Variants in PTPN13 observed in about 807,000 individuals in gnomAD.
PTPN13 encodes protein tyrosine phosphatase non-receptor type 13, also known as tyrosine-protein phosphatase non-receptor type 13.
In PTPN13, 191 loss-of-function variants were observed where a neutral mutation model predicts 284.0. The ratio of observed to expected loss-of-function variants is 0.67; its 90% CI spans 0.60 to 0.76. The LOEUF is 0.76. Among genes scored for constraint, PTPN13 ranks in the 30% least tolerant of loss-of-function variants. The pLI is 0.00. For missense variants in PTPN13, 2,797 were observed against 2,939.9 expected (o/e 0.95, Z 1.12); for synonymous variants, 986 against 1,022.3 (o/e 0.96, Z 0.68).
At chr4:86,603,636 C>G (rs1410894991) in intron 1 of PTPN13, among the ~76,000 whole-genome samples, 4 of 152,108 alleles carry the variant, frequency 2.6e-5, no homozygotes, top group African/African-American at 4.8e-5. Context: ...CATAACACAT[C>G]TCTTAGCATC....
At chr4:86,608,569 T>C (rs79290198) in intron 1 of PTPN13, among the ~76,000 whole-genome samples, 7,057 of 152,136 alleles carry the variant, frequency 0.046, 223 homozygotes, top group African/African-American at 0.06. Context: ...TCAAAATAAC[T>C]TTATGGTAAA....
chr4:86,613,401 C>T (rs993402269), intron 1 of PTPN13, among the ~76,000 whole-genome samples: 3 of 151,950 alleles, frequency 2.0e-5, no homozygotes, highest in African/African-American at 4.8e-5. Context: ...TTTGGGAGGC[C>T]GAGGCGGGCA....
At chr4:86,632,472 C>T (rs1722573559) in intron 1 of PTPN13, among the ~76,000 whole-genome samples, 1 of 152,086 alleles carries the variant, frequency 6.6e-6, no homozygotes, top group South Asian at 2.1e-4. Context: ...CTTCGGTGTG[C>T]TTTTGTGGGT....
At position 86,737,410 on chromosome 4, in the gene PTPN13, TC is replaced by T. The variant is rs1417290852; in HGVS notation, c.2304+1665del. On this transcript the variant is annotated intron_variant, in intron 15 of 47. Transcript: ENST00000411767. ...TAGTTTTATTGGAACTAGTCCATAC[TC>T]ATTTCTTTATATATCATCTATGTCT... 2.0e-5 allele frequency among the ~76,000 whole-genome samples: 3 copies of T among 152,106 alleles called. No individual in the cohort carries two copies. In the South Asian group the frequency reaches 6.2e-4, roughly 31 times the overall value.
chr4:86,628,864 G>C (rs955613812), intron 1 of PTPN13, among the ~76,000 whole-genome samples: 17 of 150,038 alleles, frequency 1.1e-4, no homozygotes, highest in African/African-American at 2.2e-4. Flanking sequence ...AGTATTCCAT[G>C]GTGTATATGT....
chr4:86,656,621 G>A (rs1725846567), intron 2 of PTPN13, among the ~76,000 whole-genome samples: 1 of 152,196 alleles, frequency 6.6e-6, no homozygotes, highest in East Asian at 1.9e-4. Flanking sequence ...TGTGTGAGGT[G>A]TCAGTCTGCC....
At chr4:86,739,154 G>C (rs1022363657) in intron 15 of PTPN13, among the ~76,000 whole-genome samples, 12 of 152,082 alleles carry the variant, frequency 7.9e-5, no homozygotes, top group Admixed American at 4.6e-4. Context: ...GTCCATTTTT[G>C]GTTAAATTTC....
rs533000016 is a variant in PTPN13, at chr4:86,692,817, C to T, written c.547-770C>T. Among the ~76,000 whole-genome samples, 82 of 152,242 alleles carry T rather than the reference C, an allele frequency of 5.4e-4. No individual in the cohort carries two copies. In the South Asian group the frequency reaches 5.6e-3, roughly 10 times the overall value. ...TTTCTCGGCCAGGCATAGTGGATCA[C>T]GCCTGTAATCCCAGCACTTTGGGAG... On this transcript the variant is annotated intron_variant, in intron 5 of 47. Transcript: ENST00000411767.
intron 47 of PTPN13, among the ~76,000 whole-genome samples, chr4:86,813,319 CA>C (rs543796851): frequency 2.0e-5 from 3 of 152,052 alleles, no homozygotes; most frequent in African/African-American, 4.8e-5. Flanking sequence ...AATTCCTTGC[CA>C]AAAAAAGTCA....
intron 7 of PTPN13, among the ~76,000 whole-genome samples, chr4:86,707,122 G>A (rs959747594): frequency 2.6e-5 from 4 of 151,936 alleles, no homozygotes; most frequent in South Asian, 4.1e-4. Flanking sequence ...CTTGGAACCA[G>A]TACTGTGAGT....
chr4:86,751,041 C>G lies in PTPN13; in HGVS notation c.3083C>G (p.Ala1028Gly). Residue 1028 changes from alanine (A) to glycine (G), a missense_variant, in exon 19 of 48, where the codon GCG becomes GGG. Coordinates refer to ENST00000411767, the MANE Select transcript of PTPN13 (RefSeq NM_080683.3). ...VTKLNNSKSV[A>G]SLNRSPERRK... ...TCCCTCTTCAGTTCAAAGTCTGTTG[C>G]GAGTTTAAATAGAAGTCCTGAAAGG... 1.2e-6 allele frequency: 2 copies of G among 1,606,564 alleles called. No homozygotes were observed. Among genetic ancestry groups the G allele is most frequent in the Non-Finnish European group, 1.7e-6 (2 of 1,173,766 alleles).
intron 19 of PTPN13, among the ~76,000 whole-genome samples, chr4:86,751,765 TA>T (rs2149210485): frequency 6.6e-6 from 1 of 152,318 alleles, no homozygotes; most frequent in South Asian, 2.1e-4. Context: ...AGCATTTACT[TA>T]GAATGCTTTC....
At chr4:86,748,664 A>AT (rs869198172) in intron 17 of PTPN13, among the ~76,000 whole-genome samples, 2,170 of 149,184 alleles carry the variant, frequency 0.015, 64 homozygotes, top group African/African-American at 0.05. Context: ...GATTATGGAA[A>AT]TTTTTTTTTT....
Position 86,706,702 on chromosome 4 carries a change from T to G in PTPN13, c.1195+4901T>G, listed in dbSNP as rs1043051803. Among the ~76,000 whole-genome samples the G allele has an allele frequency of 3.4e-4, 52 of 152,320 alleles. 1 individual carries two copies. Among genetic ancestry groups the G allele is most frequent in the Non-Finnish European group, 5.0e-4 (34 of 68,034 alleles). On this transcript the variant is annotated intron_variant, in intron 7 of 47. Coordinates refer to ENST00000411767, the MANE Select transcript of PTPN13 (RefSeq NM_080683.3). ...ACAAAAAAGATCTCAAGAAAGAAAT[T>G]GTAGTTGAAATTGAAAAATTATAAA...
intron 1 of PTPN13, among the ~76,000 whole-genome samples, chr4:86,624,709 G>T (rs1003214152): frequency 3.3e-5 from 5 of 152,094 alleles, no homozygotes; most frequent in African/African-American, 1.2e-4. Flanking sequence ...GCAGCTACTT[G>T]GGAGGCTGAG....
chr4:86,602,282 G>A (rs750618601), intron 1 of PTPN13, among the ~76,000 whole-genome samples: 2 of 152,126 alleles, frequency 1.3e-5, no homozygotes, highest in African/African-American at 2.4e-5. Flanking sequence ...CTGTGACCTT[G>A]CCCAAGTTAC....
intron 34 of PTPN13, 23 bp from the exon 35 acceptor site, chr4:86,775,419 C>T: frequency 6.3e-7 from 1 of 1,593,812 alleles, no homozygotes; most frequent in Non-Finnish European, 8.6e-7. Context: ...ACTGAGAAAA[C>T]AAATATTTTC....
rs1348411452 is a variant in PTPN13 at position 86,811,079 on chromosome 4, C to T, written c.7333C>T (p.Leu2445=). ...CTCTGATTTGGTGCGCTGCATGAGA[C>T]TACAAAGACACGGAATGGTTCAGAC... ...DISDLVRCMR[L]QRHGMVQTED... Residue 2445 remains leucine, a synonymous_variant, in exon 47 of 48, where the codon CTA becomes TTA. Coordinates refer to ENST00000411767, the MANE Select transcript of PTPN13 (RefSeq NM_080683.3). 5.0e-6 allele frequency: 8 copies of T among 1,613,556 alleles called. No individual in the cohort carries two copies. The highest frequency in any genetic ancestry group is 6.8e-6 in the Non-Finnish European group (8 of 1,179,688).
At position 86,750,692 on chromosome 4, in the gene PTPN13, C is replaced by T; in HGVS notation, c.2873C>T (p.Ser958Leu). ...NSSKEKNDKA[S>L]WEEKPREMSK... ...TCAAAAGAGAAGAATGACAAAGCTT[C>T]ATGGGAGGAAAAGCCTAGAGAGATG... is the stretch of plus-strand genomic sequence containing the variant. The change falls in exon 18 of 48, where the codon TCA becomes TTA. Residue 958 changes from serine to leucine, a missense_variant. Coordinates refer to ENST00000411767, the MANE Select transcript of PTPN13 (RefSeq NM_080683.3). 6.2e-7 allele frequency: 1 copy of T among 1,613,878 alleles called. No homozygotes were observed. Among genetic ancestry groups the T allele is most frequent in the Non-Finnish European group, 8.5e-7 (1 of 1,179,826 alleles).
Sources: allele counts gnomAD v4.1 joint callset (sites outside exome capture counted in the v4.1 genomes callset), GRCh38; gene constraint gnomAD v4.1.1; transcripts MANE v1.5; gene names NCBI Gene and HGNC (gene_info 2026-07-23, HGNC 2026-07-21).